Variants in NELL1 observed in about 807,000 individuals in gnomAD.
NELL1 encodes protein kinase C-binding protein NELL1.
NELL1 carries 76 observed loss-of-function variants against 107.4 expected under a neutral mutation model. The ratio of observed to expected loss-of-function variants is 0.71; its 90% confidence interval spans 0.59 to 0.86. The LOEUF (loss-of-function observed/expected upper bound fraction) is 0.86. NELL1 is among the 40% of genes least tolerant of loss of function. The probability of loss-of-function intolerance (pLI) is 0.00; values close to 1 mark genes in which losing one functional copy is unlikely to be tolerated. For missense variants in NELL1, 1,024 were observed against 1,005.5 expected, an observed-to-expected ratio of 1.02 and a Z score of -0.25; for synonymous variants, 353 against 341.2, an observed-to-expected ratio of 1.03 and a Z score of -0.38.
intron 14 of NELL1, among the ~76,000 whole-genome samples, chr11:21,275,198 T>C (rs1052133476): frequency 4.0e-5 from 6 of 151,750 alleles, no homozygotes; most frequent in African/African-American, 1.5e-4. Flanking sequence ...ATAGACGCAA[T>C]AAAAAATGAT....
intron 5 of NELL1, among the ~76,000 whole-genome samples, chr11:20,915,767 A>T (rs1850241715): frequency 1.7e-5 from 2 of 114,552 alleles, no homozygotes; most frequent in South Asian, 3.0e-4. Context: ...GCTCCTTTGT[A>T]GTTTTATGCA....
intron 12 of NELL1, among the ~76,000 whole-genome samples, chr11:20,981,952 CTCTT>C (rs1462838850): frequency 1.4e-5 from 2 of 142,176 alleles, no homozygotes; most frequent in Admixed American, 7.2e-5. Flanking sequence ...AGGGCTCTCT[CTCTT>C]TCTCTCTCTC....
At chr11:21,517,404 G>T (rs1855593601) in intron 15 of NELL1, among the ~76,000 whole-genome samples, 1 of 152,048 alleles carries the variant, frequency 6.6e-6, no homozygotes, top group Admixed American at 6.6e-5. Context: ...ATCTTTTCTG[G>T]GATTCCAGCA....
chr11:21,154,552 G>A (rs1254032097), intron 13 of NELL1, among the ~76,000 whole-genome samples: 1 of 152,148 alleles, frequency 6.6e-6, no homozygotes, highest in Non-Finnish European at 1.5e-5. Context: ...AGTCCAATGG[G>A]TGATGTATAC....
intron 15 of NELL1, among the ~76,000 whole-genome samples, chr11:21,448,240 T>A (rs1317588579): frequency 2.6e-5 from 4 of 152,196 alleles, no homozygotes; most frequent in Non-Finnish European, 5.9e-5. Flanking sequence ...GGTGTTCCTG[T>A]GGGGAGGACT....
intron 15 of NELL1, among the ~76,000 whole-genome samples, chr11:21,523,336 A>C (rs1433450040): frequency 6.6e-6 from 1 of 152,116 alleles, no homozygotes; most frequent in African/African-American, 2.4e-5. Flanking sequence ...TAAGTGTTTA[A>C]TAAATATACA....
At chr11:21,414,239 G>C (rs1220321893) in intron 15 of NELL1, among the ~76,000 whole-genome samples, 2 of 152,032 alleles carry the variant, frequency 1.3e-5, no homozygotes, top group African/African-American at 4.8e-5. Flanking sequence ...AAGAGTGGGG[G>C]AGAGGGTGGG....
intron 17 of NELL1, among the ~76,000 whole-genome samples, chr11:21,562,849 G>C (rs1352809278): frequency 6.6e-6 from 1 of 152,006 alleles, no homozygotes; most frequent in African/African-American, 2.4e-5. Context: ...ATTTTTAAAA[G>C]GCTACTTTCC....
At chr11:21,179,422 G>A (rs974963740) in intron 13 of NELL1, among the ~76,000 whole-genome samples, 3 of 151,816 alleles carry the variant, frequency 2.0e-5, no homozygotes, top group African/African-American at 7.3e-5. Context: ...TTATTCTCAA[G>A]GATTTGCAGG....
intron 13 of NELL1, among the ~76,000 whole-genome samples, chr11:21,118,571 C>T (rs1327968925): frequency 6.6e-6 from 1 of 152,084 alleles, no homozygotes; most frequent in African/African-American, 2.4e-5. Flanking sequence ...ATATCTGCCA[C>T]TATAAAATGT....
intron 3 of NELL1, among the ~76,000 whole-genome samples, chr11:20,807,164 C>G (rs964260309): frequency 2.6e-5 from 4 of 151,896 alleles, no homozygotes; most frequent in African/African-American, 4.8e-5. Flanking sequence ...ACAGTCTGGG[C>G]TTGATTGTAC....
intron 2 of NELL1, among the ~76,000 whole-genome samples, chr11:20,699,971 A>G (rs185290615): frequency 1.3e-5 from 2 of 152,162 alleles, no homozygotes; most frequent in East Asian, 3.9e-4. Context: ...AACTATGGCC[A>G]TTCTTGCAGG....
intron 12 of NELL1, among the ~76,000 whole-genome samples, chr11:20,990,578 T>C (rs1273333210): frequency 2.0e-5 from 3 of 152,204 alleles, no homozygotes; most frequent in Non-Finnish European, 2.9e-5. Context: ...CATTGCATAA[T>C]AGATACCCAG....
Position 21,145,987 on chromosome 11 carries a change from CTG to C in NELL1, c.1426+32278_1426+32279del, listed in dbSNP as rs371562179. ...TTTGCAAGACGTATTGGTTGAGAGACTGTGTGCCCTCAGACTGAATCTGCTTC... is the reference window on the plus strand; with the variant it reads ...TTTGCAAGACGTATTGGTTGAGAGACTGTGCCCTCAGACTGAATCTGCTTC... On this transcript the variant is annotated intron_variant, in intron 13 of 19. Transcript: ENST00000357134. 2.3e-4 allele frequency among the ~76,000 whole-genome samples: 35 copies of C among 152,296 alleles called. No homozygotes were observed. In the South Asian group the frequency reaches 5.4e-3, roughly 23 times the overall value.
intron 15 of NELL1, among the ~76,000 whole-genome samples, chr11:21,497,417 T>A (rs80342640): frequency 0.052 from 7,974 of 152,294 alleles, 250 homozygotes; most frequent in Non-Finnish European, 0.067. Flanking sequence ...TTTTACTATT[T>A]TCTGGATAGC....
chr11:21,557,467 T>G (rs1856745048), intron 16 of NELL1, among the ~76,000 whole-genome samples: 1 of 152,026 alleles, frequency 6.6e-6, no homozygotes, highest in Non-Finnish European at 1.5e-5. Context: ...ATGTAGATAT[T>G]TTTTAGAGAA....
At chr11:21,421,573 C>T (rs1852670377) in intron 15 of NELL1, among the ~76,000 whole-genome samples, 1 of 152,030 alleles carries the variant, frequency 6.6e-6, no homozygotes, top group South Asian at 2.1e-4. Flanking sequence ...GTTGTAAGCC[C>T]TTCTCCACCA....
At chr11:21,203,790 T>C (rs1857326182) in intron 13 of NELL1, among the ~76,000 whole-genome samples, 1 of 152,204 alleles carries the variant, frequency 6.6e-6, no homozygotes, top group Admixed American at 6.5e-5. Flanking sequence ...CAGGAACTCT[T>C]GTAAGGCCGG....
chr11:21,277,817 C>T (rs554014283), intron 14 of NELL1, among the ~76,000 whole-genome samples: 5 of 152,138 alleles, frequency 3.3e-5, no homozygotes, highest in African/African-American at 7.2e-5. Context: ...CCAAACACTG[C>T]GTGTTCTCAG....
Sources: gnomAD v4.1 joint callset for allele counts (sites outside exome capture counted in the v4.1 genomes callset) on GRCh38, gnomAD v4.1.1 for gene constraint, MANE v1.5 for transcripts, NCBI Gene and HGNC (gene_info 2026-07-23, HGNC 2026-07-21) for gene names.